Variants in ANK2 observed in about 807,000 individuals in gnomAD.
The protein encoded by ANK2 is ankyrin 2.
ANK2 carries 83 observed loss-of-function variants against 360.5 expected under a neutral mutation model. The ratio of observed to expected loss-of-function variants is 0.23; its 90% CI spans 0.19 to 0.28. The LOEUF is 0.28. Ranked by LOEUF, ANK2 falls within the 10% of genes least tolerant of loss-of-function variation. The probability of loss-of-function intolerance (pLI) is 1.00; values close to 1 mark genes in which losing one functional copy is unlikely to be tolerated. For synonymous variants in ANK2, 1,740 were observed against 1,759.5 expected, an observed-to-expected ratio of 0.99 and a Z score of 0.28; for missense variants, 4,201 against 4,795.7, an observed-to-expected ratio of 0.88 and a Z score of 3.66.
intron 26 of ANK2, among the ~76,000 whole-genome samples, chr4:113,330,016 G>C (rs937290618): frequency 6.6e-6 from 1 of 151,988 alleles, no homozygotes; most frequent in Non-Finnish European, 1.5e-5. Flanking sequence ...GCAAAAATTA[G>C]AATTATTCTT....
intron 2 of ANK2, among the ~76,000 whole-genome samples, chr4:112,958,564 G>A (rs1162253599): frequency 2.0e-5 from 3 of 152,132 alleles, no homozygotes; most frequent in Non-Finnish European, 2.9e-5. Context: ...GCTTCGGCTC[G>A]GCATCAGAGG....
At chr4:112,872,939 A>G (rs1415171243) in intron 1 of ANK2, among the ~76,000 whole-genome samples, 2 of 151,524 alleles carry the variant, frequency 1.3e-5, no homozygotes, top group Non-Finnish European at 2.9e-5. Context: ...TTCTTTTATT[A>G]TTTTGGTTGA....
chr4:113,096,980 G>C (rs1391272478), intron 1 of ANK2, among the ~76,000 whole-genome samples: 3 of 150,880 alleles, frequency 2.0e-5, no homozygotes, highest in Non-Finnish European at 4.4e-5. Flanking sequence ...AATATTAATT[G>C]CTTCCAAAGC....
chr4:113,046,040 A>T (rs2064265143), upstream of ANK2, among the ~76,000 whole-genome samples: 1 of 152,154 alleles, frequency 6.6e-6, no homozygotes. Context: ...CCAGTTAGGG[A>T]CATGCCCACT....
chr4:112,785,293 C>T, the ANK2 span, among the ~76,000 whole-genome samples: 1 of 152,176 alleles, frequency 6.6e-6, no homozygotes, highest in Non-Finnish European at 1.5e-5. Context: ...AACAACCCTT[C>T]CAATGACCCT....
At chr4:112,824,690 G>A (rs2058026907) in intron 1 of ANK2, among the ~76,000 whole-genome samples, 1 of 151,936 alleles carries the variant, frequency 6.6e-6, no homozygotes, top group Admixed American at 6.6e-5. Context: ...TTTTAGTAGA[G>A]ATGGGGTTTC....
chr4:112,765,157 C>T, the ANK2 span, among the ~76,000 whole-genome samples: 4,547 of 152,312 alleles, frequency 0.03, 212 homozygotes, highest in African/African-American at 0.1. Context: ...TCTCAAAAAA[C>T]ATGAACATTT....
At chr4:113,000,571 A>G (rs908845858) in intron 2 of ANK2, among the ~76,000 whole-genome samples, 2 of 152,058 alleles carry the variant, frequency 1.3e-5, no homozygotes, top group Non-Finnish European at 1.5e-5. Flanking sequence ...TTATGGAGGA[A>G]GATAATCCGG....
chr4:113,003,443 A>G (rs2051543876), intron 2 of ANK2, among the ~76,000 whole-genome samples: 1 of 152,192 alleles, frequency 6.6e-6, no homozygotes, highest in Non-Finnish European at 1.5e-5. Context: ...TTATTGAAAA[A>G]ATACTTGCAA....
At chr4:112,999,679 A>G (rs1253955107) in intron 2 of ANK2, among the ~76,000 whole-genome samples, 1 of 152,080 alleles carries the variant, frequency 6.6e-6, no homozygotes, top group Non-Finnish European at 1.5e-5. Flanking sequence ...AAAGCAACAA[A>G]AAAACCCAAA....
chr4:113,354,914 T>G lies in ANK2; in HGVS notation c.6296T>G (p.Val2099Gly), dbSNP rs769109275. 1 of 1,614,004 alleles carries G rather than the reference T, an allele frequency of 6.2e-7. No individual in the cohort carries two copies. Among genetic ancestry groups the G allele is most frequent in the Non-Finnish European group, 8.5e-7 (1 of 1,179,980 alleles). The change falls in exon 38 of 46, where the codon GTG becomes GGG. Residue 2099 changes from valine to glycine, a missense_variant. Transcript: ENST00000357077. ...SHKIPEPVQS[V>G]PEEESHRESE... ...AAAATACCTGAACCTGTTCAGTCAG[T>G]GCCTGAAGAAGAAAGCCACAGAGAG...
chr4:112,794,434 G>A, the ANK2 span, among the ~76,000 whole-genome samples: 48 of 152,242 alleles, frequency 3.2e-4, 1 homozygote, highest in African/African-American at 1.2e-3. Context: ...TTTGTTTATT[G>A]CTTTGTCTAT....
chr4:113,207,423 G>A (rs372789927), intron 4 of ANK2, among the ~76,000 whole-genome samples: 2 of 152,112 alleles, frequency 1.3e-5, no homozygotes, highest in African/African-American at 4.8e-5. Context: ...GTTAAGACTT[G>A]TAGGGAGAAA....
intron 1 of ANK2, among the ~76,000 whole-genome samples, chr4:113,110,607 C>T (rs373900384): frequency 3.9e-5 from 6 of 152,072 alleles, no homozygotes; most frequent in South Asian, 4.1e-4. Flanking sequence ...TTGCCAAGTA[C>T]GCATGGATAC....
At chr4:113,083,897 A>T (rs1015383599) in intron 1 of ANK2, among the ~76,000 whole-genome samples, 1 of 152,214 alleles carries the variant, frequency 6.6e-6, no homozygotes, top group African/African-American at 2.4e-5. Flanking sequence ...TAGCTGCCAT[A>T]ACATAGAAGC....
At chr4:113,305,567 G>A (rs985236669) in intron 23 of ANK2, among the ~76,000 whole-genome samples, 7 of 152,036 alleles carry the variant, frequency 4.6e-5, no homozygotes, top group Non-Finnish European at 8.8e-5. Context: ...CTTTCCCCGA[G>A]GAAAATTCAA....
intron 2 of ANK2, among the ~76,000 whole-genome samples, chr4:112,996,984 A>T (rs1364109667): frequency 6.6e-6 from 1 of 151,964 alleles, no homozygotes; most frequent in Non-Finnish European, 1.5e-5. Context: ...CTTCTCTCCT[A>T]ATGCTTTTTC....
At chr4:112,911,074 C>T (rs1339950905) in intron 2 of ANK2, among the ~76,000 whole-genome samples, 2 of 150,632 alleles carry the variant, frequency 1.3e-5, no homozygotes, top group African/African-American at 2.4e-5. Flanking sequence ...TCTCCTGCCT[C>T]AGCCTCCCGA....
rs370923555 is a variant in ANK2 at position 113,247,866 on chromosome 4, A to G, written c.892-1898A>G. Among the ~76,000 whole-genome samples the G allele has an allele frequency of 2.6e-5, 4 of 152,336 alleles. No individual in the cohort carries two copies. In the East Asian group the frequency reaches 5.8e-4, roughly 22 times the overall value. ...TCACCAAGAATACGTTTGAGAAACC[A>G]TGCTATATCTAATTGTTAGGTAAGT... On this transcript the variant is annotated intron_variant, in intron 9 of 45. Coordinates refer to ENST00000357077, the MANE Select transcript of ANK2 (RefSeq NM_001148.6).
Sources: gnomAD v4.1 joint callset for allele counts (sites outside exome capture counted in the v4.1 genomes callset) on GRCh38, gnomAD v4.1.1 for gene constraint, MANE v1.5 for transcripts, NCBI Gene and HGNC (gene_info 2026-07-23, HGNC 2026-07-21) for gene names.